CSMD3: variants seen among roughly 807,000 people sequenced by gnomAD.
CSMD3 encodes CUB and sushi domain-containing protein 3.
A neutral mutation model predicts 435.2 loss-of-function variants in CSMD3; 177 were observed. That is an observed-to-expected ratio of 0.41 (90% CI 0.36 to 0.46). The LOEUF is 0.46. Ranked by LOEUF, CSMD3 falls within the 20% of genes least tolerant of loss-of-function variation. The pLI is 0.34. For synonymous variants in CSMD3, 1,656 were observed against 1,520.5 expected, an observed-to-expected ratio of 1.09 and a Z score of -2.07; for missense variants, 4,265 against 4,504.6, an observed-to-expected ratio of 0.95 and a Z score of 1.52.
At chr8:113,125,818 A>C (rs1303001167) in intron 4 of CSMD3, among the ~76,000 whole-genome samples, 1 of 151,882 alleles carries the variant, frequency 6.6e-6, no homozygotes, top group East Asian at 1.9e-4. Context: ...GTCTGATGAG[A>C]AGGAGAGGAA....
rs535001514 is a variant in CSMD3 at position 112,477,358 on chromosome 8, A to G, written c.5279-4651T>C. 2.0e-5 allele frequency among the ~76,000 whole-genome samples: 3 copies of G among 152,300 alleles called. No individual in the cohort carries two copies. The East Asian group carries it at 5.8e-4, about 29-fold the overall frequency. ...GACTGCTATATGGATTCTGGGTTCT[A>G]TTGAGGGAATAGCAAACCCATGTCT... On this transcript the variant is annotated intron_variant, in intron 31 of 70. Coordinates refer to ENST00000297405, the MANE Select transcript of CSMD3 (RefSeq NM_198123.2).
intron 3 of CSMD3, among the ~76,000 whole-genome samples, chr8:113,219,427 A>G (rs1224378258): frequency 6.6e-6 from 1 of 151,428 alleles, no homozygotes; most frequent in Non-Finnish European, 1.5e-5. Context: ...ACAAATGATA[A>G]TCAGTTAGAA....
intron 6 of CSMD3, among the ~76,000 whole-genome samples, chr8:113,012,345 C>T (rs765780048): frequency 5.9e-5 from 9 of 151,778 alleles, no homozygotes; most frequent in Non-Finnish European, 1.3e-4. Flanking sequence ...ATTACACTAA[C>T]GAAGTTCCAT....
intron 13 of CSMD3, among the ~76,000 whole-genome samples, chr8:112,707,483 C>A (rs1002815950): frequency 2.2e-5 from 2 of 89,098 alleles, no homozygotes; most frequent in Admixed American, 1.1e-4. Flanking sequence ...GGTGGTGCGG[C>A]GGGAGGGGGG....
intron 27 of CSMD3, among the ~76,000 whole-genome samples, chr8:112,532,989 A>G (rs1825683402): frequency 6.6e-6 from 1 of 152,102 alleles, no homozygotes; most frequent in South Asian, 2.1e-4. Context: ...CTTTATAGAT[A>G]TTTCTTTGTT....
chr8:113,369,313 T>A (rs17840622), intron 1 of CSMD3, among the ~76,000 whole-genome samples: 23,742 of 151,852 alleles, frequency 0.16, 3,193 homozygotes, highest in African/African-American at 0.37. Context: ...CTTGAATCTG[T>A]TTTTGTTGGC....
chr8:112,441,233 A>G (rs1297886100), intron 32 of CSMD3, among the ~76,000 whole-genome samples: 1 of 152,138 alleles, frequency 6.6e-6, no homozygotes, highest in Non-Finnish European at 1.5e-5. Context: ...GCATAGCAAG[A>G]GTCACCTTTG....
chr8:112,778,759 C>A (rs1225402635), intron 13 of CSMD3, among the ~76,000 whole-genome samples: 1 of 151,938 alleles, frequency 6.6e-6, no homozygotes, highest in Non-Finnish European at 1.5e-5. Context: ...AACTACCAAA[C>A]TATCTCTCAA....
chr8:112,521,102 T>C (rs1163151197), intron 27 of CSMD3, among the ~76,000 whole-genome samples: 2 of 152,044 alleles, frequency 1.3e-5, no homozygotes, highest in African/African-American at 4.8e-5. Context: ...CTCAGTCGCA[T>C]GTACAGTACT....
chr8:113,366,215 CAG>C (rs1275881681), intron 1 of CSMD3, among the ~76,000 whole-genome samples: 1 of 151,958 alleles, frequency 6.6e-6, no homozygotes, highest in Non-Finnish European at 1.5e-5. Flanking sequence ...TTGCAGGAGA[CAG>C]AATCTCTTTG....
chr8:113,413,341 TGAG>T (rs1035507565), intron 1 of CSMD3, among the ~76,000 whole-genome samples: 46 of 152,268 alleles, frequency 3.0e-4, no homozygotes, highest in African/African-American at 9.9e-4. Flanking sequence ...ACAAATAACT[TGAG>T]AAAAGTCACT....
intron 59 of CSMD3, among the ~76,000 whole-genome samples, chr8:112,271,168 C>A (rs1817497540): frequency 2.0e-5 from 3 of 152,226 alleles, no homozygotes; most frequent in Admixed American, 1.3e-4. Context: ...TCTTGTGAAA[C>A]CTGCAGACTT....
At chr8:112,864,536 C>T (rs1189283791) in intron 10 of CSMD3, among the ~76,000 whole-genome samples, 1 of 152,114 alleles carries the variant, frequency 6.6e-6, no homozygotes, top group African/African-American at 2.4e-5. Context: ...CAGGCGTGAG[C>T]CACCGTGCCC....
chr8:112,319,863 G>A (rs2130865897), intron 46 of CSMD3, 38 bp downstream of exon 46: 2 of 1,397,984 alleles, frequency 1.4e-6, no homozygotes, highest in Non-Finnish European at 1.0e-6. Context: ...AGTTCTGCCA[G>A]CAGTATGTTT....
intron 20 of CSMD3, among the ~76,000 whole-genome samples, chr8:112,643,263 A>C (rs1394675020): frequency 6.6e-6 from 1 of 152,126 alleles, no homozygotes; most frequent in Non-Finnish European, 1.5e-5. Context: ...AATTTGTCCC[A>C]AGGAGTACAG....
chr8:112,808,148 G>A (rs1391802283), intron 12 of CSMD3, among the ~76,000 whole-genome samples: 3 of 152,138 alleles, frequency 2.0e-5, no homozygotes, highest in African/African-American at 7.2e-5. Flanking sequence ...AAATTAAGTG[G>A]CAGTTGGATT....
At chr8:112,296,817 T>C (rs1233392469) in intron 53 of CSMD3, among the ~76,000 whole-genome samples, 2 of 151,694 alleles carry the variant, frequency 1.3e-5, no homozygotes, top group Admixed American at 6.6e-5. Context: ...TCTCTAAAAA[T>C]AGCAACAAAA....
intron 5 of CSMD3, among the ~76,000 whole-genome samples, chr8:113,022,352 C>T (rs1371742524): frequency 2.6e-5 from 4 of 151,766 alleles, no homozygotes; most frequent in Non-Finnish European, 4.4e-5. Flanking sequence ...AGATTGTACA[C>T]ATTTATTCAA....
chr8:112,932,644 AG>A (rs1279746085), intron 9 of CSMD3, among the ~76,000 whole-genome samples: 5 of 152,040 alleles, frequency 3.3e-5, no homozygotes, highest in African/African-American at 1.2e-4. Context: ...AAAAGAAAAA[AG>A]AAAAATAGTT....
Sources: allele counts gnomAD v4.1 joint callset (sites outside exome capture counted in the v4.1 genomes callset), GRCh38; gene constraint gnomAD v4.1.1; transcripts MANE v1.5; gene names NCBI Gene and HGNC (gene_info 2026-07-23, HGNC 2026-07-21).